Variants in NBEA observed in about 807,000 individuals in gnomAD.
NBEA encodes the protein lysosomal-trafficking regulator 2.
In NBEA, 44 loss-of-function variants were observed where a neutral mutation model predicts 343.4. The ratio of observed to expected loss-of-function variants is 0.13; its 90% CI spans 0.10 to 0.16. The LOEUF (loss-of-function observed/expected upper bound fraction) is 0.16, where lower values mean the gene tolerates loss of function less well. Among genes scored for constraint, NBEA ranks in the 10% least tolerant of loss-of-function variants. The pLI, the probability that NBEA is intolerant of heterozygous loss-of-function variation, is 1.00. For synonymous variants in NBEA, 1,175 were observed against 1,238.7 expected (o/e 0.95, Z 1.08); for missense variants, 2,555 against 3,631.3 (o/e 0.70, Z 7.62).
intron 35 of NBEA, among the ~76,000 whole-genome samples, chr13:35,300,002 G>A (rs1848061060): frequency 6.6e-6 from 1 of 152,052 alleles, no homozygotes; most frequent in Non-Finnish European, 1.5e-5. Context: ...AACTTTCAAG[G>A]TAGCTTATAT....
At chr13:35,104,412 T>G (rs1446061683) in intron 11 of NBEA, among the ~76,000 whole-genome samples, 5 of 151,908 alleles carry the variant, frequency 3.3e-5, no homozygotes, top group Non-Finnish European at 7.4e-5. Context: ...GTATATATAT[T>G]TTTGTCTCCC....
intron 13 of NBEA, among the ~76,000 whole-genome samples, chr13:35,114,965 G>T (rs1255289035): frequency 6.6e-6 from 1 of 152,106 alleles, no homozygotes; most frequent in Non-Finnish European, 1.5e-5. Flanking sequence ...AACTATTCAT[G>T]TGTAGGCACT....
At chr13:35,043,783 G>A (rs958100530) in intron 2 of NBEA, among the ~76,000 whole-genome samples, 2 of 151,780 alleles carry the variant, frequency 1.3e-5, no homozygotes, top group Admixed American at 6.6e-5. Flanking sequence ...ATTTTTTAAA[G>A]TCTCAAATTC....
At chr13:35,165,657 A>G (rs2069952229) in intron 24 of NBEA, among the ~76,000 whole-genome samples, 2 of 151,150 alleles carry the variant, frequency 1.3e-5, no homozygotes, top group South Asian at 2.1e-4. Context: ...ATAGTGAGAC[A>G]TAGAGGGCAT....
chr13:35,359,258 A>G (rs2040672276), intron 38 of NBEA, among the ~76,000 whole-genome samples: 1 of 152,274 alleles, frequency 6.6e-6, no homozygotes, highest in South Asian at 2.1e-4. Context: ...CTTTTTCTAT[A>G]GCATCCCTTG....
chr13:35,545,909 T>TA (rs1325756911), intron 41 of NBEA, among the ~76,000 whole-genome samples: 5 of 152,220 alleles, frequency 3.3e-5, no homozygotes, highest in Admixed American at 3.3e-4. Context: ...CATTAGGACA[T>TA]AAACATGAGA....
rs534163958 is a variant in NBEA at position 35,456,410 on chromosome 13, A to G, written c.6448+4175A>G. ...TCAATAAAGTAATTATTATATTAAT[A>G]AAACCTAACTTAATTTACTTTAATT... On this transcript the variant is annotated intron_variant, in intron 40 of 58. Transcript: ENST00000379939. Among the ~76,000 whole-genome samples, 12 of 152,200 alleles carry G rather than the reference A, an allele frequency of 7.9e-5. No homozygotes were observed. In the East Asian group the frequency reaches 2.3e-3, roughly 29 times the overall value.
At chr13:35,070,178 T>C (rs1159983321) in intron 9 of NBEA, 73 bp downstream of exon 9, 1 of 1,299,290 alleles carries the variant, frequency 7.7e-7, no homozygotes, top group African/African-American at 1.5e-5. Flanking sequence ...ATATCAAACA[T>C]TGCTCATCTA....
intron 38 of NBEA, among the ~76,000 whole-genome samples, chr13:35,405,784 A>G (rs1163960088): frequency 6.6e-6 from 1 of 152,180 alleles, no homozygotes; most frequent in Non-Finnish European, 1.5e-5. Flanking sequence ...AAATAATTGA[A>G]TAAGCCTATT....
intron 37 of NBEA, among the ~76,000 whole-genome samples, chr13:35,350,488 G>A (rs945747577): frequency 2.6e-5 from 4 of 151,810 alleles, no homozygotes; most frequent in African/African-American, 4.8e-5. Flanking sequence ...TCCCCCACCC[G>A]ACACACACCA....
chr13:34,965,047 C>T (rs2059777017), intron 1 of NBEA, among the ~76,000 whole-genome samples: 1 of 152,004 alleles, frequency 6.6e-6, no homozygotes, highest in Non-Finnish European at 1.5e-5. Context: ...CTTCCATTAA[C>T]ATTATATGGT....
intron 38 of NBEA, among the ~76,000 whole-genome samples, chr13:35,402,516 T>C (rs1360568109): frequency 6.6e-6 from 1 of 152,110 alleles, no homozygotes; most frequent in African/African-American, 2.4e-5. Context: ...TGAGATGGCT[T>C]ACAGTTTTAA....
chr13:35,405,166 G>A, intron 38 of NBEA, among the ~76,000 whole-genome samples: 1 of 152,052 alleles, frequency 6.6e-6, no homozygotes. Flanking sequence ...AAATAGAAAT[G>A]CAAAAATACA....
intron 22 of NBEA, among the ~76,000 whole-genome samples, chr13:35,160,910 C>T (rs1005063272): frequency 1.3e-5 from 2 of 152,108 alleles, no homozygotes; most frequent in African/African-American, 4.8e-5. Flanking sequence ...CTGGGTGCCC[C>T]ACTTGCCTTT....
At chr13:35,575,412 A>T (rs1243779830) in intron 45 of NBEA, among the ~76,000 whole-genome samples, 1 of 152,212 alleles carries the variant, frequency 6.6e-6, no homozygotes, top group Admixed American at 6.5e-5. Context: ...CCCAAAACAT[A>T]GGAAAGACTT....
At chr13:35,483,070 G>C (rs1158648342) in intron 41 of NBEA, among the ~76,000 whole-genome samples, 1 of 151,836 alleles carries the variant, frequency 6.6e-6, no homozygotes, top group Admixed American at 6.6e-5. Flanking sequence ...CACAGGCAAA[G>C]TGTAAAATAA....
At chr13:35,081,289 T>G (rs1325038985) in intron 10 of NBEA, among the ~76,000 whole-genome samples, 1 of 152,160 alleles carries the variant, frequency 6.6e-6, no homozygotes, top group African/African-American at 2.4e-5. Context: ...TCTTGGCATT[T>G]TCTGTATTTG....
chr13:35,326,009 G>T (rs2038534491), intron 36 of NBEA, among the ~76,000 whole-genome samples: 1 of 151,904 alleles, frequency 6.6e-6, no homozygotes, highest in Non-Finnish European at 1.5e-5. Context: ...CCTTCCATTG[G>T]TTTGTATGTG....
chr13:35,485,329 A>G (rs1310093658), intron 41 of NBEA, among the ~76,000 whole-genome samples: 1 of 151,892 alleles, frequency 6.6e-6, no homozygotes, highest in Non-Finnish European at 1.5e-5. Flanking sequence ...TTAATTAATC[A>G]CCCAGCCCTG....
Sources: gnomAD v4.1 joint callset for allele counts (sites outside exome capture counted in the v4.1 genomes callset) on GRCh38, gnomAD v4.1.1 for gene constraint, MANE v1.5 for transcripts, NCBI Gene and HGNC (gene_info 2026-07-23, HGNC 2026-07-21) for gene names.